Variants in SNTG1 observed in about 807,000 individuals in gnomAD.
The protein encoded by SNTG1 is syntrophin gamma 1.
In SNTG1, 39 loss-of-function variants were observed where a neutral mutation model predicts 74.7. The ratio of observed to expected loss-of-function variants is 0.52; its 90% CI spans 0.40 to 0.68. SNTG1 has a LOEUF of 0.68. SNTG1 is among the 30% of genes least tolerant of loss of function. The probability of loss-of-function intolerance (pLI) is 0.00; values close to 1 mark genes in which losing one functional copy is unlikely to be tolerated. For synonymous variants in SNTG1, 254 were observed against 217.1 expected, an observed-to-expected ratio of 1.17 and a Z score of -1.49; for missense variants, 685 against 609.5, an observed-to-expected ratio of 1.12 and a Z score of -1.30.
chr8:50,609,171 G>A (rs540019760), intron 13 of SNTG1, among the ~76,000 whole-genome samples: 1 of 152,074 alleles, frequency 6.6e-6, no homozygotes, highest in Admixed American at 6.5e-5. Context: ...GTTACTGCCT[G>A]GCATTAGTTT....
intron 1 of SNTG1, among the ~76,000 whole-genome samples, chr8:50,024,377 T>C (rs1015411437): frequency 2.0e-5 from 3 of 152,184 alleles, no homozygotes; most frequent in African/African-American, 4.8e-5. Flanking sequence ...AAGACGGCAT[T>C]AGTCACTTAC....
intron 1 of SNTG1, among the ~76,000 whole-genome samples, chr8:50,062,816 T>G (rs1820590120): frequency 6.6e-6 from 1 of 152,228 alleles, no homozygotes; most frequent in Non-Finnish European, 1.5e-5. Flanking sequence ...ATTTTAAGCA[T>G]TTCATATATT....
intron 2 of SNTG1, among the ~76,000 whole-genome samples, chr8:50,261,825 A>G (rs1422710197): frequency 6.6e-6 from 1 of 152,170 alleles, no homozygotes; most frequent in African/African-American, 2.4e-5. Flanking sequence ...AAAACATTCA[A>G]TTAAAACCAT....
At chr8:50,036,319 A>G (rs945215569) in intron 1 of SNTG1, among the ~76,000 whole-genome samples, 35 of 152,146 alleles carry the variant, frequency 2.3e-4, no homozygotes, top group African/African-American at 8.4e-4. Flanking sequence ...CTGTTCTTTA[A>G]TGTACTGTGC....
rs78882002 is a variant in SNTG1, at chr8:50,191,578, A to G, written c.-28+18943A>G. Among the ~76,000 whole-genome samples the G allele has an allele frequency of 3.3e-3, 503 of 152,248 alleles. 13 individuals carry two copies. The East Asian group carries it at 0.076, about 23-fold the overall frequency. Reference sequence around the variant, plus strand: ...CTGTTCTTGTTTTTTAAAAAAATAAACTTTAAATTCTGGGATACATATGCA... The same window carrying G: ...CTGTTCTTGTTTTTTAAAAAAATAAGCTTTAAATTCTGGGATACATATGCA... On this transcript the variant is annotated intron_variant, in intron 2 of 18. Coordinates refer to ENST00000642720, the MANE Select transcript of SNTG1 (RefSeq NM_018967.5).
At chr8:49,925,070 T>C (rs974990850) in intron 1 of SNTG1, among the ~76,000 whole-genome samples, 3 of 152,056 alleles carry the variant, frequency 2.0e-5, no homozygotes, top group Non-Finnish European at 4.4e-5. Context: ...GGAGAATTGC[T>C]TGAGCCCAGG....
At chr8:50,166,799 G>A (rs1211159090) in intron 1 of SNTG1, among the ~76,000 whole-genome samples, 2 of 147,968 alleles carry the variant, frequency 1.4e-5, no homozygotes, top group Non-Finnish European at 3.0e-5. Context: ...TATAAATCAT[G>A]CTGCTATAAA....
chr8:50,212,717 G>A (rs1408226784), intron 2 of SNTG1, among the ~76,000 whole-genome samples: 1 of 152,114 alleles, frequency 6.6e-6, no homozygotes, highest in African/African-American at 2.4e-5. Flanking sequence ...TATATACTCT[G>A]TGGCAGAAAA....
chr8:50,704,067 T>A (rs2095435338), intron 15 of SNTG1, among the ~76,000 whole-genome samples: 1 of 152,216 alleles, frequency 6.6e-6, no homozygotes, highest in Admixed American at 6.5e-5. Context: ...CAAAGTCGTT[T>A]TTTTGATACA....
chr8:50,646,090 T>A (rs987803742), intron 13 of SNTG1, among the ~76,000 whole-genome samples: 1 of 152,220 alleles, frequency 6.6e-6, no homozygotes, highest in African/African-American at 2.4e-5. Context: ...GTCCAATATG[T>A]CGTATTTGGA....
chr8:50,534,656 C>T (rs1236474630), intron 10 of SNTG1, among the ~76,000 whole-genome samples: 4 of 152,080 alleles, frequency 2.6e-5, no homozygotes, highest in Non-Finnish European at 4.4e-5. Context: ...TGGTGGGCAC[C>T]TGTAGTCTCA....
chr8:50,180,282 A>G (rs1458318341), intron 2 of SNTG1, among the ~76,000 whole-genome samples: 1 of 152,132 alleles, frequency 6.6e-6, no homozygotes, highest in Non-Finnish European at 1.5e-5. Flanking sequence ...AGGGTGTGGA[A>G]ATAAAGAGAT....
chr8:50,493,551 G>A (rs371159052), intron 8 of SNTG1, among the ~76,000 whole-genome samples: 4 of 151,978 alleles, frequency 2.6e-5, no homozygotes, highest in African/African-American at 7.2e-5. Context: ...TTCCTAATAC[G>A]CTTTATCATT....
In SNTG1 at chr8:49,959,475, A is replaced by G. The variant is rs369946545; in HGVS notation, c.-103+47244A>G. ...ACTGCCCCATCTCAGCTCTACACAG[A>G]CACTAATCTGCTTTCTGTCTGTATA... is the stretch of plus-strand genomic sequence containing the variant. On this transcript the variant is annotated intron_variant, in intron 1 of 18. Coordinates refer to ENST00000642720, the MANE Select transcript of SNTG1 (RefSeq NM_018967.5). Among the ~76,000 whole-genome samples the G allele has an allele frequency of 1.4e-4, 22 of 152,306 alleles. No individual in the cohort carries two copies. In the East Asian group the frequency reaches 3.7e-3, roughly 25 times the overall value.
intron 18 of SNTG1, among the ~76,000 whole-genome samples, chr8:50,782,034 C>T (rs192257115): frequency 6.6e-6 from 1 of 152,252 alleles, no homozygotes; most frequent in Non-Finnish European, 1.5e-5. Flanking sequence ...ATATTGGCCC[C>T]CACTGTCTTC....
intron 3 of SNTG1, among the ~76,000 whole-genome samples, chr8:50,401,252 T>C (rs553641954): frequency 4.3e-4 from 66 of 152,284 alleles, no homozygotes; most frequent in Non-Finnish European, 2.5e-4. Flanking sequence ...GAGCTAAAGA[T>C]TATATTCTAT....
At chr8:50,792,585 T>C (rs1563843801) in intron 18 of SNTG1, 86 bp from the exon 19 acceptor site, 4 of 1,333,586 alleles carry the variant, frequency 3.0e-6, no homozygotes, top group Non-Finnish European at 3.1e-6. Context: ...GATAAGTGTA[T>C]TGAAATTGAA....
chr8:50,116,002 C>T (rs1314851432), intron 1 of SNTG1, among the ~76,000 whole-genome samples: 2 of 152,142 alleles, frequency 1.3e-5, no homozygotes, highest in Non-Finnish European at 2.9e-5. Context: ...CAGCATCATA[C>T]ACACAGTCAC....
intron 2 of SNTG1, among the ~76,000 whole-genome samples, chr8:50,190,965 A>G (rs1443280178): frequency 1.3e-5 from 2 of 152,148 alleles, no homozygotes; most frequent in Non-Finnish European, 2.9e-5. Context: ...CTTGCCTTTC[A>G]TTGCCATAAA....
Sources: gnomAD v4.1 joint callset for allele counts (sites outside exome capture counted in the v4.1 genomes callset) on GRCh38, gnomAD v4.1.1 for gene constraint, MANE v1.5 for transcripts, NCBI Gene and HGNC (gene_info 2026-07-23, HGNC 2026-07-21) for gene names.